The following PTPRD variants were observed in gnomAD, a reference collection of about 807,000 sequenced individuals.
The protein encoded by PTPRD is protein tyrosine phosphatase receptor type D.
In PTPRD, 34 loss-of-function variants were observed where a neutral mutation model predicts 214.5. That is an observed-to-expected ratio of 0.16 (90% CI 0.12 to 0.21). The LOEUF (loss-of-function observed/expected upper bound fraction) is 0.21. PTPRD is among the 10% of genes least tolerant of loss of function. The pLI is 1.00. For synonymous variants in PTPRD, 1,128 were observed against 845.7 expected (o/e 1.33, Z -5.79); for missense variants, 2,545 against 2,398.7 (o/e 1.06, Z -1.27).
chr9:10,313,994 A>C (rs2096347522), intron 3 of PTPRD, among the ~76,000 whole-genome samples: 1 of 151,942 alleles, frequency 6.6e-6, no homozygotes. Context: ...TAAGCTGTGG[A>C]GATTTAATAA....
chr9:9,718,891 C>T (rs2097883130), intron 7 of PTPRD, among the ~76,000 whole-genome samples: 1 of 152,174 alleles, frequency 6.6e-6, no homozygotes, highest in Non-Finnish European at 1.5e-5. Flanking sequence ...GCCTGGACAC[C>T]ATGGAGGGCA....
chr9:9,404,830 G>T (rs1254404610), intron 8 of PTPRD, among the ~76,000 whole-genome samples: 1 of 152,042 alleles, frequency 6.6e-6, no homozygotes, highest in African/African-American at 2.4e-5. Context: ...TATTAAGAGT[G>T]GGAACTGAAG....
At chr9:8,661,886 AATTAAGT>A (rs1198424238) in intron 12 of PTPRD, among the ~76,000 whole-genome samples, 2 of 152,204 alleles carry the variant, frequency 1.3e-5, no homozygotes, top group Non-Finnish European at 2.9e-5. Context: ...AGGGACAGCT[AATTAAGT>A]ATTTGGTCTA....
intron 12 of PTPRD, among the ~76,000 whole-genome samples, chr9:8,719,531 A>G (rs1294196173): frequency 6.6e-6 from 1 of 152,234 alleles, no homozygotes; most frequent in African/African-American, 2.4e-5. Flanking sequence ...GTTGCAGGTG[A>G]GTAAGGTCAA....
chr9:10,333,744 A>G (rs2096793388), intron 3 of PTPRD, among the ~76,000 whole-genome samples: 1 of 151,858 alleles, frequency 6.6e-6, no homozygotes, highest in African/African-American at 2.4e-5. Flanking sequence ...CTAAAGAAGC[A>G]CAGTGCTGTT....
At chr9:10,121,308 T>A (rs2098773242) in intron 3 of PTPRD, among the ~76,000 whole-genome samples, 1 of 135,286 alleles carries the variant, frequency 7.4e-6, no homozygotes. Context: ...ATTCCAAAGT[T>A]TTTTAGAGTT....
intron 3 of PTPRD, among the ~76,000 whole-genome samples, chr9:10,132,934 G>T (rs1052507682): frequency 7.2e-6 from 1 of 139,756 alleles, no homozygotes; most frequent in Admixed American, 7.5e-5. Context: ...CAACAGAAGT[G>T]ATGATATGTC....
intron 12 of PTPRD, among the ~76,000 whole-genome samples, chr9:8,652,474 T>C (rs909874893): frequency 1.3e-5 from 2 of 152,208 alleles, no homozygotes; most frequent in African/African-American, 2.4e-5. Flanking sequence ...TAGAACACAT[T>C]TGCAGATACC....
At chr9:10,540,188 C>G (rs1037865259) in intron 2 of PTPRD, among the ~76,000 whole-genome samples, 1 of 152,084 alleles carries the variant, frequency 6.6e-6, no homozygotes, top group African/African-American at 2.4e-5. Context: ...CACCACTATG[C>G]CCGGCTAATT....
At chr9:8,930,963 T>G (rs957180844) in intron 11 of PTPRD, among the ~76,000 whole-genome samples, 7 of 152,184 alleles carry the variant, frequency 4.6e-5, no homozygotes, top group African/African-American at 1.7e-4. Context: ...CTCTTTAGTT[T>G]AATGAGATCC....
chr9:9,032,270 A>G (rs1012501136), intron 10 of PTPRD, among the ~76,000 whole-genome samples: 6 of 151,972 alleles, frequency 3.9e-5, no homozygotes, highest in Non-Finnish European at 7.4e-5. Context: ...AGGATTGCAA[A>G]TAGCTGCAGC....
At chr9:9,190,574 CCT>C (rs1354202113) in intron 9 of PTPRD, among the ~76,000 whole-genome samples, 1 of 151,992 alleles carries the variant, frequency 6.6e-6, no homozygotes, top group Non-Finnish European at 1.5e-5. Flanking sequence ...TAGCCCCTTT[CCT>C]CTCTCTCCTG....
rs370061505 is a variant in PTPRD at position 8,485,916 on chromosome 9, C to G, written c.2901G>C (p.Pro967=). 1 of 1,614,110 alleles carries G rather than the reference C, an allele frequency of 6.2e-7. No individual in the cohort carries two copies. Among genetic ancestry groups the G allele is most frequent in the African/African-American group, 1.3e-5 (1 of 75,018 alleles). ...CAGCTGGAACAATAAGCTGCTCCAT[C>G]GGGAGAAGGGGGATGTTGATATCCC... ...LYRDINIPLL[P]MEQLIVPADT... is the part of the protein sequence containing the mutation. The change falls in exon 28 of 46, where the codon CCG becomes CCC. Residue 967 remains proline (P), a synonymous_variant. Coordinates refer to ENST00000381196, the MANE Select transcript of PTPRD (RefSeq NM_002839.4).
intron 12 of PTPRD, among the ~76,000 whole-genome samples, chr9:8,691,892 G>T (rs1162111330): frequency 6.6e-6 from 1 of 152,130 alleles, no homozygotes; most frequent in Non-Finnish European, 1.5e-5. Flanking sequence ...AACAACAAAA[G>T]TCTTGAAATA....
chr9:9,253,586 T>C (rs556625970), intron 9 of PTPRD, among the ~76,000 whole-genome samples: 33 of 152,170 alleles, frequency 2.2e-4, no homozygotes, highest in Non-Finnish European at 4.6e-4. Context: ...TTTGAGTGAT[T>C]TTGATGTTTT....
chr9:8,943,704 T>A (rs564429381), intron 11 of PTPRD, among the ~76,000 whole-genome samples: 1 of 151,438 alleles, frequency 6.6e-6, no homozygotes, highest in Admixed American at 6.6e-5. Flanking sequence ...GATATCCACA[T>A]GCAGAAGAAT....
intron 6 of PTPRD, among the ~76,000 whole-genome samples, chr9:9,750,481 T>G (rs2154464477): frequency 6.6e-6 from 1 of 152,264 alleles, no homozygotes; most frequent in South Asian, 2.1e-4. Context: ...CTCCCTTTGT[T>G]TAACCCAGTT....
chr9:9,390,112 G>A (rs944982428), intron 9 of PTPRD, among the ~76,000 whole-genome samples: 3 of 152,262 alleles, frequency 2.0e-5, no homozygotes, highest in African/African-American at 4.8e-5. Flanking sequence ...CAGGTACAGA[G>A]AGCAGAGGCC....
At chr9:8,435,279 C>T (rs2095296324) in intron 35 of PTPRD, among the ~76,000 whole-genome samples, 1 of 152,134 alleles carries the variant, frequency 6.6e-6, no homozygotes, top group Admixed American at 6.5e-5. Flanking sequence ...GGAGCTTCTT[C>T]TTATTTTTGT....
Sources: gnomAD v4.1 joint callset for allele counts (sites outside exome capture counted in the v4.1 genomes callset) on GRCh38, gnomAD v4.1.1 for gene constraint, MANE v1.5 for transcripts, NCBI Gene and HGNC (gene_info 2026-07-23, HGNC 2026-07-21) for gene names.